Variants in NRIP1 observed in about 807,000 individuals in gnomAD.
The protein encoded by NRIP1 is nuclear receptor interacting protein 1, also known as nuclear receptor-interacting protein 1.
In NRIP1, 28 loss-of-function variants were observed where a neutral mutation model predicts 75.0. The observed-to-expected ratio is 0.37, with a 90% CI of 0.28 to 0.51. The LOEUF (loss-of-function observed/expected upper bound fraction) is 0.51. Among genes scored for constraint, NRIP1 ranks in the 20% least tolerant of loss-of-function variants. NRIP1 has a pLI of 0.92. For synonymous variants in NRIP1, 526 were observed against 487.6 expected, an observed-to-expected ratio of 1.08 and a Z score of -1.04; for missense variants, 1,435 against 1,343.7, an observed-to-expected ratio of 1.07 and a Z score of -1.06.
intron 1 of NRIP1, among the ~76,000 whole-genome samples, chr21:15,062,872 G>A (rs980301914): frequency 1.3e-5 from 2 of 152,080 alleles, no homozygotes; most frequent in African/African-American, 4.8e-5. Flanking sequence ...ATATTTTAGG[G>A]TGTTAAAATT....
chr21:15,027,819 C>A (rs1267962830), intron 2 of NRIP1, among the ~76,000 whole-genome samples: 1 of 152,068 alleles, frequency 6.6e-6, no homozygotes, highest in African/African-American at 2.4e-5. Flanking sequence ...GTCACACAGG[C>A]CAGCAATCAT....
At chr21:15,036,689 T>C (rs1386638777) in intron 2 of NRIP1, among the ~76,000 whole-genome samples, 1 of 151,852 alleles carries the variant, frequency 6.6e-6, no homozygotes, top group African/African-American at 2.4e-5. Flanking sequence ...AAAAAAAAAG[T>C]CACTATCCCC....
rs571481785 is a variant in NRIP1, at chr21:15,064,575, G to A, written c.-538+170C>T. ...GCCCCCCGCGAGAACCCGGAGACTC[G>A]AACCAGGCAGCAGAGGCAGGATTTC... is the stretch of plus-strand genomic sequence containing the variant. On this transcript the variant is annotated intron_variant, in intron 1 of 3. Coordinates refer to ENST00000318948, the MANE Select transcript of NRIP1 (RefSeq NM_003489.4). 2.5e-3 allele frequency among the ~76,000 whole-genome samples: 381 copies of A among 150,978 alleles called. 1 individual carries two copies. Among genetic ancestry groups the A allele is most frequent in the African/African-American group, 8.4e-3 (347 of 41,140 alleles).
chr21:14,974,537 C>T (rs1600816327), intron 3 of NRIP1, among the ~76,000 whole-genome samples: 2 of 152,118 alleles, frequency 1.3e-5, no homozygotes. Context: ...TTACAATCTC[C>T]TCTATCAAAC....
intron 3 of NRIP1, among the ~76,000 whole-genome samples, chr21:15,010,590 T>C (rs1278962264): frequency 6.6e-6 from 1 of 152,244 alleles, no homozygotes; most frequent in Non-Finnish European, 1.5e-5. Context: ...GTATTAATGT[T>C]TCCCATAGTA....
chr21:15,040,035 T>A (rs1465097334), intron 2 of NRIP1, among the ~76,000 whole-genome samples: 1 of 152,066 alleles, frequency 6.6e-6, no homozygotes, highest in Admixed American at 6.5e-5. Flanking sequence ...TGAACTTGAC[T>A]AAAGCACTGT....
chr21:15,031,292 T>G (rs80080289), intron 2 of NRIP1, among the ~76,000 whole-genome samples: 1 of 126,562 alleles, frequency 7.9e-6, no homozygotes, highest in Non-Finnish European at 1.7e-5. Flanking sequence ...GGAAGGCGGT[T>G]GGAGGTTCAC....
Position 15,028,417 on chromosome 21 carries a change from A to AT in NRIP1, c.-457-13952dup, listed in dbSNP as rs548499029. Among the ~76,000 whole-genome samples, 13 of 152,334 alleles carry AT rather than the reference A, an allele frequency of 8.5e-5. No homozygotes were observed. In the South Asian group the frequency reaches 2.7e-3, roughly 32 times the overall value. ...AAGTTGGAGTGGGGTAAGATCGCCTATTTAATAACACATTTCCTTTAGAAG... is the reference window on the plus strand; with the variant it reads ...AAGTTGGAGTGGGGTAAGATCGCCTATTTTAATAACACATTTCCTTTAGAAG... On this transcript the variant is annotated intron_variant, in intron 2 of 3. Coordinates refer to ENST00000318948, the MANE Select transcript of NRIP1 (RefSeq NM_003489.4).
intron 3 of NRIP1, among the ~76,000 whole-genome samples, chr21:15,003,627 C>T (rs1026794340): frequency 3.3e-5 from 5 of 152,158 alleles, no homozygotes; most frequent in African/African-American, 9.7e-5. Context: ...AACGGGTCAG[C>T]GTGTCCTCAT....
At chr21:15,056,917 T>C (rs993715481) in intron 1 of NRIP1, among the ~76,000 whole-genome samples, 2 of 152,138 alleles carry the variant, frequency 1.3e-5, no homozygotes, top group Admixed American at 6.5e-5. Context: ...CCATTTCTTA[T>C]GGCTTTAACA....
intron 3 of NRIP1, among the ~76,000 whole-genome samples, chr21:14,997,787 A>T (rs1241110722): frequency 2.0e-5 from 3 of 151,310 alleles, no homozygotes; most frequent in African/African-American, 7.3e-5. Flanking sequence ...GGTATTATAC[A>T]TTTGTCTTCT....
chr21:15,015,396 C>A (rs955248507), intron 2 of NRIP1, among the ~76,000 whole-genome samples: 1 of 152,032 alleles, frequency 6.6e-6, no homozygotes, highest in South Asian at 2.1e-4. Flanking sequence ...ATCAATTATA[C>A]CTCGATAAAA....
chr21:15,014,846 A>T (rs1248672586), intron 2 of NRIP1, among the ~76,000 whole-genome samples: 14 of 151,988 alleles, frequency 9.2e-5, no homozygotes, highest in Non-Finnish European at 1.8e-4. Flanking sequence ...AAAAAAGAAT[A>T]GCTATAGTTT....
At chr21:15,000,082 G>A (rs551470778) in intron 3 of NRIP1, among the ~76,000 whole-genome samples, 2 of 152,288 alleles carry the variant, frequency 1.3e-5, no homozygotes, top group South Asian at 4.1e-4. Flanking sequence ...TTGAAGGGAA[G>A]AAGAACTCAA....
At chr21:15,004,787 T>C (rs1364354326) in intron 3 of NRIP1, among the ~76,000 whole-genome samples, 1 of 152,238 alleles carries the variant, frequency 6.6e-6, no homozygotes, top group East Asian at 1.9e-4. Flanking sequence ...CGTGCTGTTA[T>C]TTCTAAAGAG....
At chr21:14,981,640 TTTCTC>T (rs1383387722) in intron 3 of NRIP1, among the ~76,000 whole-genome samples, 1 of 152,212 alleles carries the variant, frequency 6.6e-6, no homozygotes, top group African/African-American at 2.4e-5. Context: ...CAGAACAACT[TTTCTC>T]TTAACAATAA....
chr21:14,976,566 T>C (rs1280834822), intron 3 of NRIP1, among the ~76,000 whole-genome samples: 1 of 152,174 alleles, frequency 6.6e-6, no homozygotes, highest in African/African-American at 2.4e-5. Flanking sequence ...GGTGCTATAT[T>C]GATTCTCTAA....
At chr21:15,047,551 A>C (rs2089110708) in intron 1 of NRIP1, among the ~76,000 whole-genome samples, 1 of 152,168 alleles carries the variant, frequency 6.6e-6, no homozygotes, top group African/African-American at 2.4e-5. Flanking sequence ...GAAATAAATA[A>C]ATCATTAAAA....
At chr21:15,021,133 A>G (rs1490137191) in intron 2 of NRIP1, among the ~76,000 whole-genome samples, 2 of 152,222 alleles carry the variant, frequency 1.3e-5, no homozygotes, top group East Asian at 3.9e-4. Flanking sequence ...AGCATCAATC[A>G]TAATAACCAA....
Sources: allele counts gnomAD v4.1 joint callset (sites outside exome capture counted in the v4.1 genomes callset), GRCh38; gene constraint gnomAD v4.1.1; transcripts MANE v1.5; gene names NCBI Gene and HGNC (gene_info 2026-07-23, HGNC 2026-07-21).